The following SLC30A8 variants were observed in gnomAD, a reference collection of about 807,000 sequenced individuals.
SLC30A8 encodes the protein solute carrier family 30 member 8.
SLC30A8 carries 27 observed loss-of-function variants against 36.9 expected under a neutral mutation model. That is an observed-to-expected ratio of 0.73 (90% CI 0.54 to 1.01). SLC30A8 has a LOEUF of 1.01. Among genes scored for constraint, SLC30A8 ranks in the 50% least tolerant of loss-of-function variants. SLC30A8 has a pLI of 0.00. For missense variants in SLC30A8, 439 were observed against 452.0 expected (o/e 0.97, Z 0.26); for synonymous variants, 164 against 172.4 (o/e 0.95, Z 0.38).
upstream of SLC30A8, among the ~76,000 whole-genome samples, chr8:117,133,167 T>C (rs368533273): frequency 6.6e-6 from 1 of 152,034 alleles, no homozygotes; most frequent in Non-Finnish European, 1.5e-5. Context: ...ATAGGACTTA[T>C]ATAGTTTATC....
chr8:116,977,475 G>A (rs1345933552), intron 1 of SLC30A8, among the ~76,000 whole-genome samples: 2 of 150,270 alleles, frequency 1.3e-5, no homozygotes, highest in African/African-American at 2.5e-5. Flanking sequence ...TCCTAAATGG[G>A]AGTTTATTGT....
upstream of SLC30A8, among the ~76,000 whole-genome samples, chr8:117,133,355 C>G (rs1481411465): frequency 6.6e-6 from 1 of 151,956 alleles, no homozygotes; most frequent in Non-Finnish European, 1.5e-5. Context: ...CATTAACTAC[C>G]TGGCATGTAT....
chr8:116,982,272 A>G (rs7815462), intron 1 of SLC30A8, among the ~76,000 whole-genome samples: 12,702 of 151,236 alleles, frequency 0.084, 1,763 homozygotes, highest in African/African-American at 0.29. Context: ...TTTTTTTTTC[A>G]TATCTTGTTG....
intron 1 of SLC30A8, among the ~76,000 whole-genome samples, chr8:117,015,892 T>A (rs937226010): frequency 2.0e-5 from 3 of 152,224 alleles, no homozygotes; most frequent in Non-Finnish European, 4.4e-5. Context: ...GGGTCATTTA[T>A]TGAACATTCA....
chr8:117,141,210 G>A (rs781413935), intron 1 of SLC30A8, among the ~76,000 whole-genome samples: 33 of 152,024 alleles, frequency 2.2e-4, no homozygotes, highest in Non-Finnish European at 5.9e-5. Flanking sequence ...CAAAAAAGGA[G>A]GAAATATCAC....
intron 1 of SLC30A8, among the ~76,000 whole-genome samples, chr8:116,970,895 G>T (rs1288931932): frequency 6.6e-6 from 1 of 152,140 alleles, no homozygotes; most frequent in African/African-American, 2.4e-5. Flanking sequence ...AGGGGTTTGA[G>T]ACCAGCCTGG....
At chr8:117,018,000 G>C (rs1816573168) in intron 1 of SLC30A8, 1 of 152,294 alleles carries the variant, frequency 6.6e-6, no homozygotes, top group African/African-American at 2.4e-5. Context: ...GGAGGCTAAA[G>C]TGGGAGGATC....
At chr8:117,145,995 G>A (rs1376569313) in intron 1 of SLC30A8, among the ~76,000 whole-genome samples, 1 of 152,134 alleles carries the variant, frequency 6.6e-6, no homozygotes, top group African/African-American at 2.4e-5. Context: ...ATGAAGCAAG[G>A]TTGATTAATG....
At chr8:117,091,211 GA>G (rs2130830392) in intron 2 of SLC30A8, among the ~76,000 whole-genome samples, 1 of 152,294 alleles carries the variant, frequency 6.6e-6, no homozygotes, top group South Asian at 2.1e-4. Context: ...GCAAGGGACA[GA>G]AAGCCAAGGC....
chr8:116,980,976 A>G (rs1390252530), intron 1 of SLC30A8, among the ~76,000 whole-genome samples: 1 of 152,240 alleles, frequency 6.6e-6, no homozygotes, highest in East Asian at 1.9e-4. Context: ...CCCTAAACTT[A>G]GTGGCATAAA....
At chr8:116,980,537 C>T (rs917766002) in intron 1 of SLC30A8, among the ~76,000 whole-genome samples, 2 of 152,146 alleles carry the variant, frequency 1.3e-5, no homozygotes, top group Non-Finnish European at 2.9e-5. Context: ...TGGCTGAGGT[C>T]TGGGGATATA....
chr8:117,078,830 G>A (rs1818571713), intron 2 of SLC30A8, among the ~76,000 whole-genome samples: 1 of 152,086 alleles, frequency 6.6e-6, no homozygotes, highest in Non-Finnish European at 1.5e-5. Context: ...TGGGATTATA[G>A]GTGCATGCCG....
chr8:117,170,918 C>G, intron 6 of SLC30A8, 116 bp from the exon 7 acceptor site: 1 of 813,718 alleles, frequency 1.2e-6, no homozygotes, highest in Non-Finnish European at 1.9e-6. Flanking sequence ...AAGTAAGAAA[C>G]CAGCAAAGGG....
chr8:117,093,532 A>C (rs1353139144), intron 2 of SLC30A8, among the ~76,000 whole-genome samples: 1 of 151,926 alleles, frequency 6.6e-6, no homozygotes, highest in Non-Finnish European at 1.5e-5. Context: ...ATATTGGTTT[A>C]TATCTTGTGA....
chr8:117,094,900 A>AGG (rs546218374), intron 2 of SLC30A8, among the ~76,000 whole-genome samples: 72 of 152,354 alleles, frequency 4.7e-4, no homozygotes, highest in Non-Finnish European at 7.6e-4. Flanking sequence ...CCTAGGTGGC[A>AGG]GGGGGCTGGC....
intron 2 of SLC30A8, among the ~76,000 whole-genome samples, chr8:117,086,428 GA>G (rs1285203382): frequency 3.3e-5 from 5 of 152,154 alleles, no homozygotes; most frequent in African/African-American, 9.7e-5. Context: ...CCACAGTGTG[GA>G]AAACTATGTG....
At chr8:116,996,105 T>C (rs556155302) in intron 1 of SLC30A8, among the ~76,000 whole-genome samples, 1 of 152,240 alleles carries the variant, frequency 6.6e-6, no homozygotes, top group Non-Finnish European at 1.5e-5. Flanking sequence ...ACTGTCTTGG[T>C]AAATTCCTTT....
intron 1 of SLC30A8, among the ~76,000 whole-genome samples, chr8:117,137,967 C>T (rs562894416): frequency 6.7e-6 from 1 of 149,700 alleles, no homozygotes; most frequent in African/African-American, 2.5e-5. Flanking sequence ...ATATTGGACC[C>T]AGTAGGTGCC....
intron 2 of SLC30A8, among the ~76,000 whole-genome samples, chr8:117,129,144 A>G (rs942812956): frequency 6.6e-6 from 1 of 152,026 alleles, no homozygotes; most frequent in Non-Finnish European, 1.5e-5. Context: ...GTTAGTAGCT[A>G]ATGACTATGT....
Sources: allele counts gnomAD v4.1 joint callset (sites outside exome capture counted in the v4.1 genomes callset), GRCh38; gene constraint gnomAD v4.1.1; transcripts MANE v1.5; gene names NCBI Gene and HGNC (gene_info 2026-07-23, HGNC 2026-07-21).